PTPRD: variants seen among roughly 807,000 people sequenced by gnomAD.
The protein encoded by PTPRD is protein tyrosine phosphatase receptor type D.
A neutral mutation model predicts 214.5 loss-of-function variants in PTPRD; 34 were observed. That is an observed-to-expected ratio of 0.16 (90% CI 0.12 to 0.21). The LOEUF (loss-of-function observed/expected upper bound fraction) is 0.21, where lower values mean the gene tolerates loss of function less well. Among genes scored for constraint, PTPRD ranks in the 10% least tolerant of loss-of-function variants. PTPRD has a pLI of 1.00. For synonymous variants in PTPRD, 1,128 were observed against 845.7 expected (o/e 1.33, Z -5.79); for missense variants, 2,545 against 2,398.7 (o/e 1.06, Z -1.27).
At chr9:9,572,522 T>C (rs962376734) in intron 8 of PTPRD, among the ~76,000 whole-genome samples, 1 of 148,922 alleles carries the variant, frequency 6.7e-6, no homozygotes, top group Non-Finnish European at 1.5e-5. Context: ...TTGGTAGTTT[T>C]AAATCCTCTA....
chr9:8,902,966 A>G (rs1254018735), intron 11 of PTPRD, among the ~76,000 whole-genome samples: 2 of 152,122 alleles, frequency 1.3e-5, no homozygotes, highest in African/African-American at 4.8e-5. Context: ...AGGCTTCACA[A>G]GTTTTTGGGA....
chr9:9,125,986 G>A (rs535821427), intron 10 of PTPRD, among the ~76,000 whole-genome samples: 1 of 152,156 alleles, frequency 6.6e-6, no homozygotes, highest in Non-Finnish European at 1.5e-5. Context: ...ATGAGTAAGA[G>A]CTTAGGGTGC....
chr9:8,748,851 G>A (rs2093197404), intron 11 of PTPRD, among the ~76,000 whole-genome samples: 1 of 151,952 alleles, frequency 6.6e-6, no homozygotes, highest in African/African-American at 2.4e-5. Flanking sequence ...CGGGGGTTGT[G>A]GTAAGCCAAG....
chr9:9,929,376 T>C (rs903795436), intron 5 of PTPRD, among the ~76,000 whole-genome samples: 2 of 152,148 alleles, frequency 1.3e-5, no homozygotes, highest in African/African-American at 4.8e-5. Flanking sequence ...AACTTGATAA[T>C]GGGGAGGGCC....
intron 4 of PTPRD, among the ~76,000 whole-genome samples, chr9:9,958,574 C>G (rs964558200): frequency 2.0e-5 from 3 of 152,026 alleles, no homozygotes; most frequent in Non-Finnish European, 2.9e-5. Flanking sequence ...AAACAAAAGA[C>G]TTATGCTGTG....
chr9:8,465,342 AC>A, intron 32 of PTPRD, 123 bp downstream of exon 32: 1 of 835,218 alleles, frequency 1.2e-6, no homozygotes, highest in Non-Finnish European at 1.9e-6. Context: ...GCCTGTTATT[AC>A]ACTTAATAAC....
intron 10 of PTPRD, among the ~76,000 whole-genome samples, chr9:9,031,604 G>A (rs1489068958): frequency 6.6e-6 from 1 of 151,960 alleles, no homozygotes; most frequent in Non-Finnish European, 1.5e-5. Flanking sequence ...ATAATCTTAA[G>A]GGACCACCAA....
At chr9:8,975,793 T>C (rs1311926382) in intron 11 of PTPRD, among the ~76,000 whole-genome samples, 1 of 151,282 alleles carries the variant, frequency 6.6e-6, no homozygotes, top group Non-Finnish European at 1.5e-5. Flanking sequence ...AAACCATATA[T>C]ATATATATTT....
At chr9:10,498,315 A>T (rs934771589) in intron 2 of PTPRD, among the ~76,000 whole-genome samples, 3 of 151,992 alleles carry the variant, frequency 2.0e-5, no homozygotes, top group Non-Finnish European at 4.4e-5. Flanking sequence ...AGGAGAGAAA[A>T]GGTTATCTTA....
chr9:9,940,478 T>C (rs2091135051), intron 4 of PTPRD, among the ~76,000 whole-genome samples: 1 of 152,144 alleles, frequency 6.6e-6, no homozygotes. Flanking sequence ...GCATACTTAA[T>C]GGGGTTTGAA....
chr9:10,386,758 T>C (rs1245458766), intron 2 of PTPRD, among the ~76,000 whole-genome samples: 1 of 151,764 alleles, frequency 6.6e-6, no homozygotes, highest in Non-Finnish European at 1.5e-5. Context: ...AATTCTGTGT[T>C]AGGAAGAACA....
chr9:9,575,016 C>G (rs549670756), intron 7 of PTPRD, among the ~76,000 whole-genome samples: 2 of 152,220 alleles, frequency 1.3e-5, no homozygotes, highest in South Asian at 4.2e-4. Context: ...GACAAACAAG[C>G]AGGCAATTAT....
At chr9:10,133,596 T>C (rs2098918958) in intron 3 of PTPRD, among the ~76,000 whole-genome samples, 1 of 152,224 alleles carries the variant, frequency 6.6e-6, no homozygotes, top group South Asian at 2.1e-4. Flanking sequence ...TAATATGAAA[T>C]AACTAATGAC....
intron 5 of PTPRD, among the ~76,000 whole-genome samples, chr9:9,871,648 C>T (rs2065472765): frequency 6.6e-6 from 1 of 150,902 alleles, no homozygotes; most frequent in Non-Finnish European, 1.5e-5. Flanking sequence ...CTCCTTGGGC[C>T]CTAAGATTAC....
chr9:8,454,573 TC>T (rs2096104656), intron 33 of PTPRD: 1 of 1,613,196 alleles, frequency 6.2e-7, no homozygotes, highest in Non-Finnish European at 8.5e-7. Flanking sequence ...TGTTCTCTAT[TC>T]CTCACCTGTC....
intron 8 of PTPRD, among the ~76,000 whole-genome samples, chr9:9,549,005 C>A (rs1338154954): frequency 1.3e-5 from 2 of 152,196 alleles, no homozygotes; most frequent in East Asian, 1.9e-4. Flanking sequence ...AACAATGTAA[C>A]TGATACTTTT....
At chr9:9,236,309 T>A (rs938408952) in intron 9 of PTPRD, among the ~76,000 whole-genome samples, 2 of 152,112 alleles carry the variant, frequency 1.3e-5, no homozygotes, top group African/African-American at 4.8e-5. Context: ...AGAGCTCTCA[T>A]CCCAAACAAC....
intron 9 of PTPRD, among the ~76,000 whole-genome samples, chr9:9,336,624 C>G (rs928473): frequency 1.7e-4 from 26 of 152,154 alleles, no homozygotes; most frequent in Non-Finnish European, 2.5e-4. Flanking sequence ...GATAATCATG[C>G]TTTGTATACA....
chr9:10,576,590 G>T (rs763769100), intron 2 of PTPRD, among the ~76,000 whole-genome samples: 35 of 152,038 alleles, frequency 2.3e-4, no homozygotes, highest in African/African-American at 8.2e-4. Context: ...TTTGATAAAG[G>T]TTGACTGATT....
Sources: allele counts gnomAD v4.1 joint callset (sites outside exome capture counted in the v4.1 genomes callset), GRCh38; gene constraint gnomAD v4.1.1; transcripts MANE v1.5; gene names NCBI Gene and HGNC (gene_info 2026-07-23, HGNC 2026-07-21).